Variants in NTRK2 observed in about 807,000 individuals in gnomAD.
The protein encoded by NTRK2 is neurotrophic receptor tyrosine kinase 2.
Under a neutral mutation model 94.5 loss-of-function variants are expected in NTRK2, and 13 were observed. The observed-to-expected ratio is 0.14, with a 90% confidence interval of 0.09 to 0.22. The LOEUF (loss-of-function observed/expected upper bound fraction) is 0.22, where lower values mean the gene tolerates loss of function less well. Among genes scored for constraint, NTRK2 ranks in the 10% least tolerant of loss-of-function variants. The probability of loss-of-function intolerance (pLI) is 1.00; values close to 1 mark genes in which losing one functional copy is unlikely to be tolerated. For missense variants in NTRK2, 639 were observed against 1,071.2 expected, an observed-to-expected ratio of 0.60 and a Z score of 5.63; for synonymous variants, 372 against 407.4, an observed-to-expected ratio of 0.91 and a Z score of 1.05.
At chr9:84,852,068 G>T (rs2074802530) in intron 12 of NTRK2, among the ~76,000 whole-genome samples, 4 of 152,188 alleles carry the variant, frequency 2.6e-5, no homozygotes, top group Non-Finnish European at 4.4e-5. Context: ...ATAATGGACA[G>T]GTCTGGGCAA....
At chr9:84,848,057 C>T (rs769240041) in intron 12 of NTRK2, among the ~76,000 whole-genome samples, 1 of 148,086 alleles carries the variant, frequency 6.8e-6, no homozygotes, top group Non-Finnish European at 1.5e-5. Context: ...GGCCTTTTCT[C>T]TGTGGCTCCA....
At position 84,888,850 on chromosome 9, in the gene NTRK2, C is replaced by T. The variant is rs139400717; in HGVS notation, c.1633+21419C>T. Among the ~76,000 whole-genome samples, 905 of 151,876 alleles carry T rather than the reference C, an allele frequency of 6.0e-3. 10 individuals are homozygous for T. Among genetic ancestry groups the T allele is most frequent in the African/African-American group, 0.021 (851 of 41,390 alleles). On this transcript the variant is annotated intron_variant, in intron 14 of 18. Coordinates refer to ENST00000277120, the MANE Select transcript of NTRK2 (RefSeq NM_006180.6). ...CTGCTTCAACCCATAATAGCAAAAG[C>T]GTTGAGTCCATGATCAGGACAAATC...
intron 17 of NTRK2, among the ~76,000 whole-genome samples, chr9:85,004,564 G>A (rs1445980821): frequency 1.3e-5 from 2 of 152,124 alleles, no homozygotes; most frequent in Non-Finnish European, 2.9e-5. Flanking sequence ...TGTTATAAAC[G>A]AAGTGCGATT....
chr9:84,880,396 T>TG (rs2076219005), intron 14 of NTRK2, among the ~76,000 whole-genome samples: 1 of 152,188 alleles, frequency 6.6e-6, no homozygotes, highest in South Asian at 2.1e-4. Context: ...CAGCATCCTA[T>TG]GGGGAACCAG....
At chr9:84,743,102 A>G (rs2063788674) in intron 10 of NTRK2, among the ~76,000 whole-genome samples, 1 of 152,106 alleles carries the variant, frequency 6.6e-6, no homozygotes, top group South Asian at 2.1e-4. Flanking sequence ...TGCCCGGCCT[A>G]TATTAGCTTT....
rs1031274130 is a variant in NTRK2, at chr9:85,020,508, G to A, written c.2331+144G>A. 3 of 818,526 alleles carry A rather than the reference G, an allele frequency of 3.7e-6. No homozygotes were observed. In the African/African-American group the frequency reaches 5.1e-5, roughly 14 times the overall value. 50.7% of individuals were successfully genotyped at this position (818,526 alleles called of 1,614,324 possible). Reference sequence around the variant, plus strand: ...GGTGGCAGCACTTCCCAAGTAGCCTGCTATGTTTCTAAATTTCATGGTCAA... The same window carrying A: ...GGTGGCAGCACTTCCCAAGTAGCCTACTATGTTTCTAAATTTCATGGTCAA... On this transcript the variant is annotated intron_variant, in intron 18 of 18. Transcript: ENST00000277120.
intron 17 of NTRK2, among the ~76,000 whole-genome samples, chr9:84,973,227 A>G (rs1248950232): frequency 6.6e-6 from 1 of 152,204 alleles, no homozygotes; most frequent in Admixed American, 6.5e-5. Flanking sequence ...TAAGAGAAAA[A>G]GGGGAAAATG....
At chr9:84,743,213 C>G (rs2063796802) in intron 10 of NTRK2, among the ~76,000 whole-genome samples, 1 of 152,078 alleles carries the variant, frequency 6.6e-6, no homozygotes, top group Non-Finnish European at 1.5e-5. Context: ...AGCCAGCAAG[C>G]CACTGTTTGG....
intron 14 of NTRK2, among the ~76,000 whole-genome samples, chr9:84,869,588 A>T (rs948804767): frequency 6.6e-6 from 1 of 151,530 alleles, no homozygotes; most frequent in Non-Finnish European, 1.5e-5. Flanking sequence ...TCTTCGGTGT[A>T]TCTGTGGCCT....
At chr9:84,979,609 A>C (rs906679052) in intron 17 of NTRK2, among the ~76,000 whole-genome samples, 1 of 152,230 alleles carries the variant, frequency 6.6e-6, no homozygotes, top group African/African-American at 2.4e-5. Context: ...TGGGTTGATA[A>C]AGCAGCAGCA....
chr9:84,766,667 AAC>A (rs1285716245), intron 12 of NTRK2, among the ~76,000 whole-genome samples: 1 of 151,372 alleles, frequency 6.6e-6, no homozygotes, highest in Non-Finnish European at 1.5e-5. Flanking sequence ...ACACACACTC[AAC>A]ACACAAACAC....
intron 12 of NTRK2, among the ~76,000 whole-genome samples, chr9:84,760,652 T>G (rs887916029): frequency 6.6e-6 from 1 of 152,206 alleles, no homozygotes; most frequent in Non-Finnish European, 1.5e-5. Flanking sequence ...TTTAAATTAT[T>G]TTGGGGTTTA....
chr9:84,787,793 C>T (rs1196464172), intron 12 of NTRK2, among the ~76,000 whole-genome samples: 1 of 152,142 alleles, frequency 6.6e-6, no homozygotes, highest in East Asian at 1.9e-4. Flanking sequence ...AAGGGACTAT[C>T]TATAAATCCC....
In NTRK2 at chr9:84,709,372, T is replaced by C. The variant is rs2061294303; in HGVS notation, c.429-1265T>C. Among the ~76,000 whole-genome samples, 4 of 152,240 alleles carry C rather than the reference T, an allele frequency of 2.6e-5. No individual in the cohort carries two copies. In the South Asian group the frequency reaches 8.3e-4, roughly 32 times the overall value. On this transcript the variant is annotated intron_variant, in intron 5 of 18. Transcript: ENST00000277120. ...TAGAAAGACTCTTTAGTTTTGCATG[T>C]ACTCAGAGCTCCAGGAAGCATTTTG...
intron 17 of NTRK2, among the ~76,000 whole-genome samples, chr9:84,987,190 C>T (rs1828430068): frequency 6.6e-6 from 1 of 152,170 alleles, no homozygotes; most frequent in Non-Finnish European, 1.5e-5. Flanking sequence ...AAAGAACATT[C>T]TTGAAGTTTT....
At chr9:84,839,231 T>G (rs1378306592) in intron 12 of NTRK2, among the ~76,000 whole-genome samples, 1 of 152,180 alleles carries the variant, frequency 6.6e-6, no homozygotes, top group Non-Finnish European at 1.5e-5. Context: ...AAGAGTCAAA[T>G]ACACTTTAAA....
At chr9:84,890,383 G>C (rs1170964146) in intron 14 of NTRK2, among the ~76,000 whole-genome samples, 1 of 152,230 alleles carries the variant, frequency 6.6e-6, no homozygotes, top group Non-Finnish European at 1.5e-5. Context: ...TACATTTAGA[G>C]ATTTAACCTG....
At chr9:84,872,603 C>CT (rs571031426) in intron 14 of NTRK2, 11,018 of 758,472 alleles carry the variant, frequency 0.015, 16 homozygotes, top group Admixed American at 0.046. Flanking sequence ...AGTATTCTGA[C>CT]TTTTTTTTTT....
intron 12 of NTRK2, among the ~76,000 whole-genome samples, chr9:84,764,964 A>G (rs2065899436): frequency 1.3e-5 from 2 of 152,200 alleles, no homozygotes; most frequent in African/African-American, 2.4e-5. Flanking sequence ...GCACAGAAAG[A>G]CAAACATAGC....
Sources: allele counts gnomAD v4.1 joint callset (sites outside exome capture counted in the v4.1 genomes callset), GRCh38; gene constraint gnomAD v4.1.1; transcripts MANE v1.5; gene names NCBI Gene and HGNC (gene_info 2026-07-23, HGNC 2026-07-21).